The following KIAA0825 variants were observed in gnomAD, a reference collection of about 807,000 sequenced individuals.
The protein encoded by KIAA0825 is KIAA0825.
A neutral mutation model predicts 147.6 loss-of-function variants in KIAA0825; 119 were observed. That is an observed-to-expected ratio of 0.81 (90% confidence interval 0.69 to 0.94). The LOEUF is 0.94. Among genes scored for constraint, KIAA0825 ranks in the 40% least tolerant of loss-of-function variants. The pLI is 0.00. For synonymous variants in KIAA0825, 470 were observed against 518.1 expected (o/e 0.91, Z 1.26); for missense variants, 1,381 against 1,472.7 (o/e 0.94, Z 1.02).
intron 20 of KIAA0825, among the ~76,000 whole-genome samples, chr5:94,372,187 C>T (rs1048556258): frequency 6.6e-6 from 1 of 152,224 alleles, no homozygotes; most frequent in Non-Finnish European, 1.5e-5. Flanking sequence ...GCTGCTTTCA[C>T]AGGCTGGTGC....
intron 14 of KIAA0825, among the ~76,000 whole-genome samples, chr5:94,418,838 A>AT (rs1753810139): frequency 6.6e-6 from 1 of 151,998 alleles, no homozygotes; most frequent in Non-Finnish European, 1.5e-5. Context: ...CAATGCCTAC[A>AT]TATTTATGCT....
At chr5:94,281,961 T>G (rs1384114845) in intron 20 of KIAA0825, among the ~76,000 whole-genome samples, 2 of 152,060 alleles carry the variant, frequency 1.3e-5, no homozygotes, top group African/African-American at 4.8e-5. Context: ...CGCCAAGAAG[T>G]CTTCCCGGAT....
intron 14 of KIAA0825, among the ~76,000 whole-genome samples, chr5:94,436,796 C>T (rs1418887304): frequency 3.9e-5 from 6 of 152,028 alleles, no homozygotes; most frequent in African/African-American, 9.7e-5. Flanking sequence ...TCTGATTTCA[C>T]TGAGCAGTGG....
intron 20 of KIAA0825, among the ~76,000 whole-genome samples, chr5:94,173,141 T>G (rs1226520601): frequency 6.6e-6 from 1 of 151,982 alleles, no homozygotes; most frequent in Non-Finnish European, 1.5e-5. Context: ...ATCATGCTCT[T>G]TCTGTTACCA....
chr5:94,471,845 A>G, intron 8 of KIAA0825, 114 bp from the exon 9 acceptor site: 2 of 909,268 alleles, frequency 2.2e-6, no homozygotes, highest in East Asian at 2.6e-5. Context: ...CATAAATATA[A>G]TGACGCAGCT....
intron 20 of KIAA0825, among the ~76,000 whole-genome samples, chr5:94,197,329 CT>C (rs933875891): frequency 1.3e-5 from 2 of 151,678 alleles, no homozygotes; most frequent in Non-Finnish European, 2.9e-5. Flanking sequence ...TGTTTTTTTG[CT>C]TGTTGATTTA....
At chr5:94,297,622 G>A (rs1584036494) in intron 20 of KIAA0825, among the ~76,000 whole-genome samples, 1 of 151,432 alleles carries the variant, frequency 6.6e-6, no homozygotes. Flanking sequence ...TTGAGATAGA[G>A]TCTCAATCTG....
At chr5:94,378,149 G>C (rs894172062) in intron 20 of KIAA0825, among the ~76,000 whole-genome samples, 17 of 152,180 alleles carry the variant, frequency 1.1e-4, no homozygotes, top group African/African-American at 3.9e-4. Flanking sequence ...GTGCAGGTTT[G>C]TCATATAGAT....
chr5:94,496,191 C>T (rs2151094169), intron 5 of KIAA0825, among the ~76,000 whole-genome samples: 1 of 152,206 alleles, frequency 6.6e-6, no homozygotes, highest in East Asian at 1.9e-4. Context: ...CTAAACATGG[C>T]TTTTCTCTTT....
intron 20 of KIAA0825, among the ~76,000 whole-genome samples, chr5:94,155,006 A>G (rs1766903381): frequency 6.6e-6 from 1 of 152,134 alleles, no homozygotes; most frequent in South Asian, 2.1e-4. Context: ...GATACAGTCT[A>G]AAAGATCCTC....
intron 19 of KIAA0825, 61 bp from the exon 20 acceptor site, chr5:94,384,519 G>A (rs1183181992): frequency 9.6e-6 from 13 of 1,348,026 alleles, no homozygotes; most frequent in African/African-American, 1.4e-5. Flanking sequence ...AATATGATCA[G>A]TAAATTAAAG....
At chr5:94,577,586 T>G (rs1181783439) in intron 2 of KIAA0825, among the ~76,000 whole-genome samples, 2 of 152,206 alleles carry the variant, frequency 1.3e-5, no homozygotes, top group African/African-American at 4.8e-5. Flanking sequence ...AACTAAGTAT[T>G]GTTATCTCAA....
chr5:94,309,451 T>A (rs1010796147), intron 20 of KIAA0825, among the ~76,000 whole-genome samples: 2 of 151,586 alleles, frequency 1.3e-5, no homozygotes, highest in Admixed American at 6.6e-5. Context: ...AACTCACTGA[T>A]GAAAAAGCCA....
chr5:94,327,476 A>G (rs1028190825), intron 20 of KIAA0825, among the ~76,000 whole-genome samples: 1 of 152,126 alleles, frequency 6.6e-6, no homozygotes, highest in African/African-American at 2.4e-5. Flanking sequence ...GTTATCCACA[A>G]TGAGAAATCG....
intron 20 of KIAA0825, among the ~76,000 whole-genome samples, chr5:94,251,897 G>A (rs1583965809): frequency 6.6e-6 from 1 of 151,814 alleles, no homozygotes; most frequent in South Asian, 2.1e-4. Context: ...TATTGCATTT[G>A]GGTACCACTC....
chr5:94,275,507 G>C (rs891849232), intron 20 of KIAA0825, among the ~76,000 whole-genome samples: 1 of 152,072 alleles, frequency 6.6e-6, no homozygotes, highest in Non-Finnish European at 1.5e-5. Flanking sequence ...GAAAGAATAT[G>C]GTTACAATTA....
chr5:94,615,576 C>T (rs1790224914), intron 1 of KIAA0825: 2 of 152,156 alleles, frequency 1.3e-5, no homozygotes, highest in South Asian at 2.1e-4. Context: ...AGTAATTTAA[C>T]ACTGAATAGC....
intron 20 of KIAA0825, among the ~76,000 whole-genome samples, chr5:94,374,402 A>AT (rs1747207879): frequency 6.6e-6 from 1 of 152,238 alleles, no homozygotes; most frequent in African/African-American, 2.4e-5. Context: ...GTTAACATAT[A>AT]TAACACATAT....
intron 20 of KIAA0825, among the ~76,000 whole-genome samples, chr5:94,277,943 C>T (rs548687528): frequency 5.1e-4 from 78 of 152,138 alleles, no homozygotes; most frequent in East Asian, 1.9e-3. Flanking sequence ...ATAAAAAGGA[C>T]GAATTCATGT....
Sources: allele counts gnomAD v4.1 joint callset (sites outside exome capture counted in the v4.1 genomes callset), GRCh38; gene constraint gnomAD v4.1.1; transcripts MANE v1.5; gene names NCBI Gene and HGNC (gene_info 2026-07-23, HGNC 2026-07-21).